Variants in SH3KBP1 observed in about 807,000 individuals in gnomAD.
The protein encoded by SH3KBP1 is SH3 domain containing kinase binding protein 1, also known as SH3 domain-containing kinase-binding protein 1.
Under a neutral mutation model 50.1 loss-of-function variants are expected in SH3KBP1, and 8 were observed. The ratio of observed to expected loss-of-function variants is 0.16; its 90% CI spans 0.09 to 0.29. SH3KBP1 has a LOEUF of 0.29. SH3KBP1 is among the 10% of genes least tolerant of loss of function. The pLI is 1.00. For missense variants in SH3KBP1, 377 were observed against 535.2 expected (o/e 0.70, Z 2.92); for synonymous variants, 227 against 218.6 (o/e 1.04, Z -0.34).
At chrX:19,886,597 A>G (rs911495625) in intron 1 of SH3KBP1, among the ~76,000 whole-genome samples, 1 of 111,842 alleles carries the variant, frequency 8.9e-6, no homozygotes, top group African/African-American at 3.3e-5. Flanking sequence ...AGACCGGATC[A>G]CCATTTCCAG....
chrX:19,744,346 G>A (rs1426302980), intron 3 of SH3KBP1, among the ~76,000 whole-genome samples: 1 of 111,757 alleles, frequency 8.9e-6, no homozygotes, highest in Non-Finnish European at 1.9e-5. Context: ...CTATTTATCT[G>A]GCCTGACAAG....
intron 2 of SH3KBP1, among the ~76,000 whole-genome samples, chrX:19,760,170 A>T (rs1167717385): frequency 3.7e-5 from 4 of 107,159 alleles, no homozygotes; most frequent in Non-Finnish European, 7.7e-5. Context: ...GGTGGATCAC[A>T]AGGTCAGGAG....
chrX:19,535,634 G>C lies in SH3KBP1; in HGVS notation c.*783C>G, dbSNP rs1322556092. The C allele has an allele frequency of 9.0e-6, 1 of 111,234 alleles. No homozygotes were observed. Among genetic ancestry groups the C allele is most frequent in the Non-Finnish European group, 1.9e-5 (1 of 53,075 alleles). 9.2% of individuals were successfully genotyped at this position (111,234 alleles called of 1,213,427 possible). A position where few individuals can be genotyped will look rare whatever the true frequency, so the allele number is the denominator to read the frequency against. On this transcript the variant is annotated 3_prime_UTR_variant, in exon 18 of 18. Transcript: ENST00000397821. ...CAGCTGTCTCCTCTTAGGACCTTTG[G>C]CTAGGGTGAGAGAAGCTTTGAAGAC...
chrX:19,615,993 A>G (rs779022564), intron 8 of SH3KBP1, among the ~76,000 whole-genome samples: 5 of 107,687 alleles, frequency 4.6e-5, no homozygotes, highest in Non-Finnish European at 9.6e-5. Flanking sequence ...AAGTAGAGCC[A>G]TTGTTGAACG....
At chrX:19,804,414 T>C (rs979126188) in intron 2 of SH3KBP1, among the ~76,000 whole-genome samples, 6 of 110,760 alleles carry the variant, frequency 5.4e-5, no homozygotes, top group African/African-American at 2.0e-4. Flanking sequence ...CTCTCTGATC[T>C]AAGCCAGTTT....
At chrX:19,674,942 G>T in intron 6 of SH3KBP1, among the ~76,000 whole-genome samples, 1 of 110,172 alleles carries the variant, frequency 9.1e-6, no homozygotes, top group South Asian at 4.0e-4. Flanking sequence ...AGCCGGGCGT[G>T]GTGGCCCACA....
chrX:19,836,235 G>A lies in SH3KBP1; in HGVS notation c.52C>T (p.Leu18=), dbSNP rs944625345. ...ATGATTTCACCCACGCTGATCGTCAGCTCATCATCGTGCTGGGCCTGGTAG... is the reference window on the plus strand; with the variant it reads ...ATGATTTCACCCACGCTGATCGTCAACTCATCATCGTGCTGGGCCTGGTAG... ...FDYQAQHDDE[L]TISVGEIITN... is the part of the protein sequence containing the mutation. The change falls in exon 2 of 18, where the codon CTG becomes TTG. Residue 18 remains leucine (L), a synonymous_variant. Transcript: ENST00000397821. 4.1e-6 allele frequency: 5 copies of A among 1,208,619 alleles called. No homozygotes were observed. Among genetic ancestry groups the A allele is most frequent in the Non-Finnish European group, 5.6e-6 (5 of 894,295 alleles).
chrX:19,887,186 C>A, intron 1 of SH3KBP1, 121 bp downstream of exon 1: 1 of 594,496 alleles, frequency 1.7e-6, no homozygotes, highest in Non-Finnish European at 2.2e-6. Flanking sequence ...AGGGCGCCCA[C>A]CGCGGTGTCC....
At chrX:19,743,234 C>A (rs2064822375) in intron 3 of SH3KBP1, among the ~76,000 whole-genome samples, 1 of 110,868 alleles carries the variant, frequency 9.0e-6, no homozygotes, top group Admixed American at 9.6e-5. Flanking sequence ...TGGCAAAACC[C>A]CAGCTCTACG....
Position 19,666,543 on chromosome X carries a change from A to C in SH3KBP1, c.726+17280T>G, listed in dbSNP as rs946086833. On this transcript the variant is annotated intron_variant, in intron 6 of 17. Transcript: ENST00000397821. ...TCAGCTAGTTAATGGTGATTCTAAG[A>C]CTATTTCCCAACTCATCATTTCAAG... Among the ~76,000 whole-genome samples the C allele has an allele frequency of 7.2e-5, 8 of 111,199 alleles. No individual in the cohort carries two copies. In the Admixed American group the frequency reaches 7.7e-4, roughly 11 times the overall value.
At chrX:19,626,452 A>C (rs1288294834) in intron 8 of SH3KBP1, among the ~76,000 whole-genome samples, 1 of 112,026 alleles carries the variant, frequency 8.9e-6, no homozygotes, top group Non-Finnish European at 1.9e-5. Context: ...GACAGGGTGC[A>C]AATTAAAATT....
chrX:19,862,128 C>T (rs915279022), intron 1 of SH3KBP1, among the ~76,000 whole-genome samples: 36 of 111,905 alleles, frequency 3.2e-4, no homozygotes, highest in African/African-American at 1.1e-3. Flanking sequence ...TTGATCTCAC[C>T]TGTTTAGAAT....
At chrX:19,824,794 A>T (rs1248900101) in intron 2 of SH3KBP1, among the ~76,000 whole-genome samples, 2 of 111,373 alleles carry the variant, frequency 1.8e-5, no homozygotes, top group Admixed American at 9.6e-5. Flanking sequence ...GAGTCACAAG[A>T]CCGCCCCCCT....
chrX:19,758,923 G>T (rs748358747), intron 2 of SH3KBP1, among the ~76,000 whole-genome samples: 2 of 111,469 alleles, frequency 1.8e-5, no homozygotes, highest in South Asian at 7.4e-4. Context: ...TTCTTTTAAC[G>T]GTGTGCCAAC....
chrX:19,724,219 G>A (rs763253360), intron 3 of SH3KBP1, among the ~76,000 whole-genome samples: 27 of 109,264 alleles, frequency 2.5e-4, no homozygotes, highest in South Asian at 2.3e-3. Context: ...ATCCTGAGGC[G>A]AAAAAAAATG....
chrX:19,755,715 C>T lies in SH3KBP1; in HGVS notation c.163-9274G>A, dbSNP rs141075351. 3.8e-3 allele frequency among the ~76,000 whole-genome samples: 423 copies of T among 112,287 alleles called. 1 individual carries two copies. Among genetic ancestry groups the T allele is most frequent in the Non-Finnish European group, 5.1e-3 (272 of 53,208 alleles). ...GAAACTAAAGGCAGGTAGCCTGGCG[C>T]CTAGGAACCAGACCTGAAACTAGGC... is the stretch of plus-strand genomic sequence containing the variant. On this transcript the variant is annotated intron_variant, in intron 2 of 17. Transcript: ENST00000397821.
In SH3KBP1 at chrX:19,703,696, CTGTGTGTGTGTGTGTGTGTGTG is replaced by C. The variant is rs56915755; in HGVS notation, c.390+3163_390+3184del. On this transcript the variant is annotated intron_variant, in intron 4 of 17. Coordinates refer to ENST00000397821, the MANE Select transcript of SH3KBP1 (RefSeq NM_031892.3). ...TTATCTGTCAGGGCAAAAAGAGAAA[CTGTGTGTGTGTGTGTGTGTGTG>C]TGTGTGTGTGTGTGTGTGTGTGTGT... 4.6e-3 allele frequency among the ~76,000 whole-genome samples: 293 copies of C among 63,499 alleles called. 2 individuals carry two copies. Among genetic ancestry groups the C allele is most frequent in the South Asian group, 0.018 (15 of 843 alleles). The allele number at this position is 63,499 out of a possible 115,157, so 55.1% of individuals were successfully genotyped here. A position where few individuals can be genotyped will look rare whatever the true frequency, so the allele number is the denominator to read the frequency against.
chrX:19,760,063 T>C (rs899506496), intron 2 of SH3KBP1, among the ~76,000 whole-genome samples: 4 of 86,950 alleles, frequency 4.6e-5, no homozygotes, highest in African/African-American at 1.8e-4. Flanking sequence ...TCTCTCTCTC[T>C]CTCTCTCTCT....
chrX:19,795,896 A>T (rs1181169892), intron 2 of SH3KBP1, among the ~76,000 whole-genome samples: 1 of 112,181 alleles, frequency 8.9e-6, no homozygotes, highest in Non-Finnish European at 1.9e-5. Context: ...TGCCATAAAA[A>T]TTCTTTTTAA....
Sources: gnomAD v4.1 joint callset for allele counts (sites outside exome capture counted in the v4.1 genomes callset) on GRCh38, gnomAD v4.1.1 for gene constraint, MANE v1.5 for transcripts, NCBI Gene and HGNC (gene_info 2026-07-23, HGNC 2026-07-21) for gene names.